NLRP5: variants seen among roughly 807,000 people sequenced by gnomAD.
NLRP5 encodes NACHT, LRR and PYD domains-containing protein 5.
In NLRP5, 93 loss-of-function variants were observed where a neutral mutation model predicts 113.1. The observed-to-expected ratio is 0.82, with a 90% CI of 0.70 to 0.98. The LOEUF (loss-of-function observed/expected upper bound fraction) is 0.98, where lower values mean the gene tolerates loss of function less well. Ranked by LOEUF, NLRP5 falls within the 50% of genes least tolerant of loss-of-function variation. NLRP5 has a pLI of 0.00. For synonymous variants in NLRP5, 751 were observed against 600.7 expected, an observed-to-expected ratio of 1.25 and a Z score of -3.66; for missense variants, 1,808 against 1,514.3, an observed-to-expected ratio of 1.19 and a Z score of -3.22.
At chr19:56,005,103 A>AT (rs1002374853) in intron 2 of NLRP5, among the ~76,000 whole-genome samples, 8 of 123,462 alleles carry the variant, frequency 6.5e-5, no homozygotes, top group South Asian at 5.5e-4. Flanking sequence ...CAAAAAAAAA[A>AT]AAAAATATAT....
chr19:56,009,339 C>CAAAAAAAAAAAAAGAAAAA (rs1982088468), intron 3 of NLRP5, among the ~76,000 whole-genome samples: 1 of 44,304 alleles, frequency 2.3e-5, no homozygotes, highest in African/African-American at 8.7e-5. Context: ...GACTCCATCT[C>CAAAAAAAAAAAAAGAAAAA]AAAAAAAAAA....
intron 11 of NLRP5, among the ~76,000 whole-genome samples, chr19:56,048,796 T>C (rs983206216): frequency 2.0e-5 from 3 of 152,162 alleles, no homozygotes; most frequent in African/African-American, 7.2e-5. Context: ...TCCTCAATTA[T>C]GCACCCAAAT....
intron 4 of NLRP5, among the ~76,000 whole-genome samples, chr19:56,017,537 G>A (rs938067590): frequency 2.0e-5 from 3 of 151,986 alleles, no homozygotes; most frequent in Admixed American, 6.6e-5. Context: ...GTTGAGGATC[G>A]TGTGGCTTCA....
chr19:56,024,407 T>C (rs925084408), intron 6 of NLRP5, among the ~76,000 whole-genome samples: 3 of 123,122 alleles, frequency 2.4e-5, no homozygotes, highest in Non-Finnish European at 3.4e-5. Context: ...TATATGTACA[T>C]ATATGTATAT....
At chr19:55,989,413 C>T in the NLRP5 span, among the ~76,000 whole-genome samples, 8 of 152,188 alleles carry the variant, frequency 5.3e-5, no homozygotes, top group African/African-American at 9.6e-5. Flanking sequence ...CCACCACGCC[C>T]GGCTAATTTT....
the NLRP5 span, among the ~76,000 whole-genome samples, chr19:55,990,273 G>C: frequency 6.6e-6 from 1 of 151,536 alleles, no homozygotes; most frequent in East Asian, 2.0e-4. Context: ...ATTTTTAGTA[G>C]AGATGCGGTT....
intron 6 of NLRP5, among the ~76,000 whole-genome samples, chr19:56,023,309 G>A (rs147204624): frequency 9.2e-5 from 14 of 152,244 alleles, no homozygotes; most frequent in Admixed American, 7.9e-4. Context: ...ACAACAGGTC[G>A]GTCTGAGCTC....
chr19:56,027,464 G>A lies in NLRP5; in HGVS notation c.1231G>A (p.Asp411Asn). ...GTCCTTCCTGATCGTCACCGTCAGA[G>A]ACGTGGGCACAGAGAAGCTCAAGTC... is the stretch of plus-strand genomic sequence containing the variant. The change falls in exon 7 of 15, where the codon GAC becomes AAC. Residue 411 changes from aspartate (D) to asparagine (N), a missense_variant. Asp to Asn is a conservative substitution (Grantham distance 23). Transcript: ENST00000390649. 1 of 1,613,860 alleles carries A rather than the reference G, an allele frequency of 6.2e-7. No homozygotes were observed. Among genetic ancestry groups the A allele is most frequent in the Non-Finnish European group, 8.5e-7 (1 of 1,179,832 alleles).
chr19:55,996,814 A>G (rs992604892), upstream of NLRP5, among the ~76,000 whole-genome samples: 1 of 152,192 alleles, frequency 6.6e-6, no homozygotes, highest in Non-Finnish European at 1.5e-5. Flanking sequence ...ATGTGTCTTT[A>G]TAGCAACATG....
intron 7 of NLRP5, among the ~76,000 whole-genome samples, chr19:56,028,797 A>T (rs1471467747): frequency 6.6e-6 from 1 of 151,944 alleles, no homozygotes; most frequent in Admixed American, 6.6e-5. Context: ...TCAGAGTCTC[A>T]CTCTGTTGCC....
At chr19:56,012,440 G>A (rs758176684) in intron 3 of NLRP5, among the ~76,000 whole-genome samples, 6 of 130,284 alleles carry the variant, frequency 4.6e-5, no homozygotes, top group South Asian at 2.5e-4. Flanking sequence ...GAGCCACTGC[G>A]CCTTGGCCTT....
At chr19:56,041,131 T>G in intron 11 of NLRP5, 39 bp downstream of exon 11, 1 of 1,599,902 alleles carries the variant, frequency 6.3e-7, no homozygotes, top group African/African-American at 1.3e-5. Flanking sequence ...CTTCCTAGCT[T>G]TCTAACATAG....
At position 56,028,214 on chromosome 19, in the gene NLRP5, G is replaced by T. The variant is rs1683493327; in HGVS notation, c.1981G>T (p.Val661Leu). 1.2e-6 allele frequency: 2 copies of T among 1,613,894 alleles called. No homozygotes were observed. The highest frequency in any genetic ancestry group is 1.1e-5 in the South Asian group (1 of 91,082). Residue 661 changes from valine to leucine, a missense_variant, in exon 7 of 15, where the codon GTG (valine) becomes TTG (leucine). Val to Leu is a conservative substitution (Grantham distance 32, BLOSUM62 1). Transcript: ENST00000390649. ...GCTGGGCTGTCCCGTTCCCCTGGGG[G>T]TGAAGCAGAAGCTTCTGCACTGGGT...
chr19:55,987,934 T>C, the NLRP5 span: 3 of 1,561,608 alleles, frequency 1.9e-6, no homozygotes, highest in African/African-American at 1.4e-5. Flanking sequence ...CATCTTTCTC[T>C]GGGGCTTGAT....
intron 11 of NLRP5, among the ~76,000 whole-genome samples, chr19:56,044,119 A>G (rs971147590): frequency 3.4e-5 from 5 of 148,120 alleles, no homozygotes; most frequent in African/African-American, 1.3e-4. Context: ...GCTGGAGTGC[A>G]GTGGCACGAT....
At position 56,032,638 on chromosome 19, in the gene NLRP5, G is replaced by A; in HGVS notation, c.2304G>A (p.Glu768=). 3.1e-6 allele frequency: 5 copies of A among 1,613,762 alleles called. No individual in the cohort carries two copies. The highest frequency in any genetic ancestry group is 4.2e-6 in the Non-Finnish European group (5 of 1,179,798). ...TGCGGGATAAGACCCTCATTGAGGA[G>A]CAGTGGGAAGATTTCTGCTCCATGC... is the stretch of plus-strand genomic sequence containing the variant. Residue 768 remains glutamate, a synonymous_variant, in exon 8 of 15, where the codon GAG becomes GAA. Transcript: ENST00000390649.
the NLRP5 span, chr19:55,987,987 T>C: frequency 9.1e-7 from 1 of 1,098,118 alleles, no homozygotes; most frequent in Non-Finnish European, 1.4e-6. Flanking sequence ...CCAGGCGTTA[T>C]CATCCTGTAT....
Position 56,053,587 on chromosome 19 carries a change from T to C in NLRP5, c.3129-51T>C, listed in dbSNP as rs1227432190. The C allele has an allele frequency of 3.3e-6, 5 of 1,533,852 alleles. No homozygotes were observed. The African/African-American group carries it at 5.5e-5, about 17-fold the overall frequency. On this transcript the variant is annotated intron_variant, in intron 12 of 14. Coordinates refer to ENST00000390649, the MANE Select transcript of NLRP5 (RefSeq NM_153447.4). ...AATGCTGCTGAACCTTCTCCCGCTGTTCCACTTTCCTCGAGAGAGGCAGAC... is the reference window on the plus strand; with the variant it reads ...AATGCTGCTGAACCTTCTCCCGCTGCTCCACTTTCCTCGAGAGAGGCAGAC...
At chr19:56,029,823 G>A (rs185203673) in intron 7 of NLRP5, among the ~76,000 whole-genome samples, 8 of 151,958 alleles carry the variant, frequency 5.3e-5, no homozygotes, top group African/African-American at 1.4e-4. Context: ...TTGGGAGGCT[G>A]AGGTGGGTGG....
Sources: allele counts gnomAD v4.1 joint callset (sites outside exome capture counted in the v4.1 genomes callset), GRCh38; gene constraint gnomAD v4.1.1; transcripts MANE v1.5; gene names NCBI Gene and HGNC (gene_info 2026-07-23, HGNC 2026-07-21).